The following KDM1B variants were observed in gnomAD, a reference collection of about 807,000 sequenced individuals.
KDM1B encodes lysine-specific histone demethylase 2.
A neutral mutation model predicts 107.4 loss-of-function variants in KDM1B; 63 were observed. That is an observed-to-expected ratio of 0.59 (90% CI 0.48 to 0.72). KDM1B has a LOEUF of 0.72. Ranked by LOEUF, KDM1B falls within the 30% of genes least tolerant of loss-of-function variation. KDM1B has a pLI of 0.00. For synonymous variants in KDM1B, 363 were observed against 363.9 expected (o/e 1.00, Z 0.03); for missense variants, 749 against 1,020.8 (o/e 0.73, Z 3.63).
At chr6:18,196,044 G>T (rs1226254999) in intron 10 of KDM1B, among the ~76,000 whole-genome samples, 1 of 152,028 alleles carries the variant, frequency 6.6e-6, no homozygotes, top group Non-Finnish European at 1.5e-5. Flanking sequence ...TCTGTGAGTT[G>T]GGTGTTTTTA....
Position 18,162,596 on chromosome 6 carries a change from T to G in KDM1B, c.216-239T>G, listed in dbSNP as rs1259328673. ...AACCCTATCATTGCCCCAAGGAGTC[T>G]TCTTAAGACTGCTAAGCCCCAGGCA... On this transcript the variant is annotated intron_variant, in intron 4 of 21. Transcript: ENST00000650836. This position sits in a 1 kb window ranked among gnomAD's most constrained non-coding sequence, Gnocchi z 4.1. Among the ~76,000 whole-genome samples the G allele has an allele frequency of 6.6e-6, 1 of 152,114 alleles. No homozygotes were observed. The highest frequency in any genetic ancestry group is 6.6e-5 in the Admixed American group (1 of 15,264).
chr6:18,171,549 G>A, intron 7 of KDM1B, 70 bp downstream of exon 7: 1 of 846,608 alleles, frequency 1.2e-6, no homozygotes, highest in South Asian at 1.4e-5. Flanking sequence ...TGGTGTATAT[G>A]TTTTTCATGT....
intron 8 of KDM1B, among the ~76,000 whole-genome samples, chr6:18,187,188 G>C (rs1311758603): frequency 6.6e-6 from 1 of 152,132 alleles, no homozygotes; most frequent in Non-Finnish European, 1.5e-5. Flanking sequence ...TCCATGTTAA[G>C]TCAACTCTGG....
intron 5 of KDM1B, among the ~76,000 whole-genome samples, chr6:18,163,191 G>A (rs978974886): frequency 6.7e-6 from 1 of 149,760 alleles, no homozygotes; most frequent in Non-Finnish European, 1.5e-5. Context: ...AGGCTGGAGT[G>A]TAGAGACATA....
chr6:18,219,021 G>A (rs1055525437), intron 21 of KDM1B, among the ~76,000 whole-genome samples: 9 of 152,040 alleles, frequency 5.9e-5, no homozygotes, highest in African/African-American at 2.2e-4. Flanking sequence ...TCCTGCCTCA[G>A]CCTCCCGAAT....
intron 9 of KDM1B, 39 bp downstream of exon 9, chr6:18,188,041 C>T (rs770680682): frequency 2.3e-5 from 35 of 1,509,858 alleles, no homozygotes; most frequent in Middle Eastern, 1.8e-4. Flanking sequence ...TTCTATTCCC[C>T]GCTCCCCTCC....
chr6:18,193,194 T>TTA (rs1359764072), intron 10 of KDM1B, among the ~76,000 whole-genome samples: 2 of 60,078 alleles, frequency 3.3e-5, no homozygotes, highest in African/African-American at 1.1e-4. Context: ...AAACTCTGTC[T>TTA]AAAAAAAAAA....
intron 20 of KDM1B, among the ~76,000 whole-genome samples, chr6:18,217,188 A>G (rs980754676): frequency 6.6e-6 from 1 of 152,164 alleles, no homozygotes; most frequent in African/African-American, 2.4e-5. Context: ...GAGGAGGTAT[A>G]GAAGTGAGGG....
At chr6:18,168,187 A>C (rs1785443662) in intron 6 of KDM1B, among the ~76,000 whole-genome samples, 2 of 152,264 alleles carry the variant, frequency 1.3e-5, no homozygotes, top group Admixed American at 6.5e-5. Flanking sequence ...AGTGGCACTT[A>C]GTATATTCAC....
At position 18,222,880 on chromosome 6, in the gene KDM1B, A is replaced by AAT. The variant is rs1441858113; in HGVS notation, c.*891_*892dup. 1 of 152,646 alleles carries AAT rather than the reference A, an allele frequency of 6.6e-6. No individual in the cohort carries two copies. The highest frequency in any genetic ancestry group is 1.5e-5 in the Non-Finnish European group (1 of 68,036). 9.5% of individuals were successfully genotyped at this position (152,646 alleles called of 1,614,324 possible). On this transcript the variant is annotated 3_prime_UTR_variant, in exon 22 of 22. Coordinates refer to ENST00000650836, the MANE Select transcript of KDM1B (RefSeq NM_001364614.2). ...TAAAAGCACTGATTCAATTGCTAGG[A>AAT]ATATTTTTGCAGATTTTTCTTTACA...
intron 2 of KDM1B, among the ~76,000 whole-genome samples, chr6:18,158,750 G>T (rs1784788991): frequency 6.6e-6 from 1 of 152,078 alleles, no homozygotes; most frequent in South Asian, 2.1e-4. Context: ...AAAAAATTCT[G>T]TTAGCTCTTA....
At chr6:18,177,050 ATTC>A (rs1400080577) in intron 7 of KDM1B, among the ~76,000 whole-genome samples, 1 of 152,142 alleles carries the variant, frequency 6.6e-6, no homozygotes, top group Non-Finnish European at 1.5e-5. Context: ...ATTGGTACCA[ATTC>A]TTCAAATGTC....
At chr6:18,176,476 G>A (rs186614572) in intron 7 of KDM1B, among the ~76,000 whole-genome samples, 35 of 152,210 alleles carry the variant, frequency 2.3e-4, no homozygotes, top group Admixed American at 8.5e-4. Context: ...CTCTGGCTAG[G>A]ACTTCTAGTA....
At chr6:18,184,902 A>AT (rs907156428) in intron 7 of KDM1B, among the ~76,000 whole-genome samples, 8 of 151,326 alleles carry the variant, frequency 5.3e-5, no homozygotes, top group African/African-American at 1.9e-4. Flanking sequence ...AGCCTGGCTG[A>AT]TTTTTGCAAT....
chr6:18,202,741 ACTT>A (rs1186692957), intron 14 of KDM1B, among the ~76,000 whole-genome samples: 5 of 152,188 alleles, frequency 3.3e-5, no homozygotes, highest in South Asian at 4.1e-4. Flanking sequence ...TTTGGGGTAA[ACTT>A]CTTAGTAGCA....
intron 2 of KDM1B, among the ~76,000 whole-genome samples, chr6:18,157,987 G>C (rs1784736080): frequency 6.6e-6 from 1 of 151,696 alleles, no homozygotes; most frequent in Non-Finnish European, 1.5e-5. Context: ...TAATTTTTTT[G>C]TATTTTTAGT....
At chr6:18,221,859 ATCAAC>A (rs1218365647) in intron 21 of KDM1B, 45 bp from the exon 22 acceptor site, 1 of 1,385,108 alleles carries the variant, frequency 7.2e-7, no homozygotes, top group East Asian at 2.3e-5. Context: ...ACCTTTTGAT[ATCAAC>A]TCAACTCTAT....
chr6:18,216,150 G>T (rs1789214427), intron 20 of KDM1B, among the ~76,000 whole-genome samples: 1 of 152,154 alleles, frequency 6.6e-6, no homozygotes, highest in South Asian at 2.1e-4. Context: ...CACAATCTTG[G>T]CTCACTGCAA....
At chr6:18,158,803 G>T (rs1432241265) in intron 2 of KDM1B, among the ~76,000 whole-genome samples, 1 of 151,986 alleles carries the variant, frequency 6.6e-6, no homozygotes. Flanking sequence ...GTAGACTTTG[G>T]TTCTTAATAT....
Sources: allele counts gnomAD v4.1 joint callset (sites outside exome capture counted in the v4.1 genomes callset), GRCh38; gene constraint gnomAD v4.1.1; non-coding constraint Gnocchi (gnomAD v3.1); transcripts MANE v1.5; gene names NCBI Gene and HGNC (gene_info 2026-07-23, HGNC 2026-07-21).